BSN: variants seen among roughly 807,000 people sequenced by gnomAD.
BSN encodes bassoon presynaptic cytomatrix protein.
BSN carries 57 observed loss-of-function variants against 264.8 expected under a neutral mutation model. That is an observed-to-expected ratio of 0.22 (90% confidence interval 0.17 to 0.27). The LOEUF (loss-of-function observed/expected upper bound fraction) is 0.27. Among genes scored for constraint, BSN ranks in the 10% least tolerant of loss-of-function variants. The probability of loss-of-function intolerance (pLI) is 1.00; values close to 1 mark genes in which losing one functional copy is unlikely to be tolerated. For missense variants in BSN, 4,615 were observed against 5,232.5 expected, an observed-to-expected ratio of 0.88 and a Z score of 3.64; for synonymous variants, 2,059 against 2,137.3, an observed-to-expected ratio of 0.96 and a Z score of 1.01.
intron 3 of BSN, among the ~76,000 whole-genome samples, chr3:49,643,703 A>G (rs1026770508): frequency 6.6e-6 from 1 of 152,180 alleles, no homozygotes; most frequent in African/African-American, 2.4e-5. Flanking sequence ...GTTGACGTCT[A>G]CTTGTCAAAG....
rs776582642 is a variant in BSN, at chr3:49,660,494, G to A, written c.8649G>A (p.Ala2883=). ...HQGGLGSQVS[A]LPPNSLVRKV... ...CCTTCCCTCTGTCTCAGGTGTCGGC[G>A]TTGCCACCCAACAGCCTGGTCCGCA... Residue 2883 remains alanine, a synonymous_variant, in exon 6 of 12, where the codon GCG becomes GCA. Coordinates refer to ENST00000296452, the MANE Select transcript of BSN (RefSeq NM_003458.4). This position sits in a 1 kb window ranked among gnomAD's most constrained non-coding sequence, Gnocchi z 7.1. 4.6e-6 allele frequency: 7 copies of A among 1,530,784 alleles called. No homozygotes were observed. In the East Asian group the frequency reaches 6.8e-5, roughly 15 times the overall value. The allele number at this position is 1,530,784 out of a possible 1,614,324, so 94.8% of individuals were successfully genotyped here. A position where few individuals can be genotyped will look rare whatever the true frequency, so the allele number is the denominator to read the frequency against.
intron 1 of BSN, among the ~76,000 whole-genome samples, chr3:49,571,565 TGC>T (rs2051795646): frequency 6.6e-6 from 1 of 152,106 alleles, no homozygotes; most frequent in Non-Finnish European, 1.5e-5. Context: ...GCAAAGCCTC[TGC>T]CACAGTGAGA....
Position 49,652,249 on chromosome 3 carries a change from C to T in BSN, c.2693C>T (p.Pro898Leu). The change falls in exon 5 of 12, where the codon CCC (proline) becomes CTC (leucine). Residue 898 changes from proline (P) to leucine (L), a missense_variant. By Grantham distance (98) the Pro-to-Leu change is moderately conservative. Coordinates refer to ENST00000296452, the MANE Select transcript of BSN (RefSeq NM_003458.4). ...EPAALPKRRL[P>L]HNATTGYEEL... ...GCAGCACTGCCCAAGAGGCGCCTGCCCCACAATGCCACCACGGGCTATGAG... is the reference window on the plus strand; with the variant it reads ...GCAGCACTGCCCAAGAGGCGCCTGCTCCACAATGCCACCACGGGCTATGAG... The T allele has an allele frequency of 6.2e-7, 1 of 1,604,760 alleles. No homozygotes were observed. Among genetic ancestry groups the T allele is most frequent in the Non-Finnish European group, 8.5e-7 (1 of 1,174,622 alleles).
intron 1 of BSN, among the ~76,000 whole-genome samples, chr3:49,601,473 C>T (rs1213842722): frequency 1.3e-5 from 2 of 152,162 alleles, no homozygotes; most frequent in African/African-American, 2.4e-5. Flanking sequence ...TGAATAAGAG[C>T]ATGGCTTCTT....
intron 1 of BSN, among the ~76,000 whole-genome samples, chr3:49,564,785 T>C (rs2051740038): frequency 6.6e-6 from 1 of 152,156 alleles, no homozygotes; most frequent in Non-Finnish European, 1.5e-5. Flanking sequence ...ACGGTTGGAT[T>C]GGAGAGGCAA....
At chr3:49,595,565 C>T (rs2052016951) in intron 1 of BSN, among the ~76,000 whole-genome samples, 3 of 151,926 alleles carry the variant, frequency 2.0e-5, no homozygotes, top group Admixed American at 2.0e-4. Flanking sequence ...AATCATAGCT[C>T]ACCGCAGCCT....
chr3:49,586,966 G>A (rs1399961155), intron 1 of BSN, among the ~76,000 whole-genome samples: 2 of 151,882 alleles, frequency 1.3e-5, no homozygotes, highest in African/African-American at 2.4e-5. Context: ...AGTTTGATAG[G>A]GATTGCTTTT....
intron 1 of BSN, among the ~76,000 whole-genome samples, chr3:49,597,664 A>G (rs145540006): frequency 2.6e-4 from 39 of 151,604 alleles, no homozygotes; most frequent in African/African-American, 9.0e-4. Flanking sequence ...CTTCTTTGAG[A>G]CGGAGTCTCA....
At chr3:49,611,806 G>C (rs2052208675) in intron 1 of BSN, among the ~76,000 whole-genome samples, 2 of 152,162 alleles carry the variant, frequency 1.3e-5, no homozygotes, top group Non-Finnish European at 2.9e-5. Flanking sequence ...CCCAGGCCAG[G>C]GTCATCTGGA....
intron 2 of BSN, among the ~76,000 whole-genome samples, chr3:49,630,396 T>G (rs1255353707): frequency 6.6e-6 from 1 of 152,240 alleles, no homozygotes; most frequent in Non-Finnish European, 1.5e-5. Context: ...CAGTTTGCTT[T>G]AGAGTAGCCA....
chr3:49,634,787 A>G (rs1406773760), intron 2 of BSN, among the ~76,000 whole-genome samples: 1 of 152,258 alleles, frequency 6.6e-6, no homozygotes, highest in Non-Finnish European at 1.5e-5. Flanking sequence ...ATACTTTAAG[A>G]TGGTTAAAAT....
chr3:49,597,030 T>C (rs2052029010), intron 1 of BSN, among the ~76,000 whole-genome samples: 1 of 152,234 alleles, frequency 6.6e-6, no homozygotes, highest in South Asian at 2.1e-4. Flanking sequence ...TGATTGACAG[T>C]TGAGCTTCTT....
rs776861615 is a variant in BSN, at chr3:49,655,388, C to G, written c.5832C>G (p.Pro1944=). 1.5e-5 allele frequency: 23 copies of G among 1,578,582 alleles called. No homozygotes were observed. Among genetic ancestry groups the G allele is most frequent in the Admixed American group, 1.7e-5 (1 of 57,196 alleles). ...PGQSSSPFYG[P]RDPEPPEPPT... Reference sequence around the variant, plus strand: ...AAAGCAGCAGCCCCTTCTATGGTCCCCGGGACCCTGAGCCTCCTGAGCCCC... The same window carrying G: ...AAAGCAGCAGCCCCTTCTATGGTCCGCGGGACCCTGAGCCTCCTGAGCCCC... Residue 1944 remains proline, a synonymous_variant, in exon 5 of 12, where the codon CCC becomes CCG. Transcript: ENST00000296452.
rs1575448198 is a variant in BSN, at chr3:49,652,786, A to T, written c.3230A>T (p.Asp1077Val). ...AGCACGGCCCGCAAGACCCGGCGGGACAAGGAAGAACTGCGGGCCCAGCGG... is the reference window on the plus strand; with the variant it reads ...AGCACGGCCCGCAAGACCCGGCGGGTCAAGGAAGAACTGCGGGCCCAGCGG... Reference protein sequence around the residue: ...IRSTARKTRRDKEELRAQRRR... With the variant: ...IRSTARKTRRVKEELRAQRRR... Residue 1077 changes from aspartate (D) to valine (V), a missense_variant, in exon 5 of 12, where the codon GAC becomes GTC. This residue lies in a region of BSN where 3,415 missense variants were observed against 3,866.4 expected (regional missense o/e 0.88). Transcript: ENST00000296452. The T allele has an allele frequency of 6.4e-7, 1 of 1,550,766 alleles. No individual in the cohort carries two copies.
intron 10 of BSN, 45 bp from the exon 11 acceptor site, chr3:49,665,184 C>T (rs2052703713): frequency 1.2e-5 from 3 of 246,652 alleles, no homozygotes; most frequent in African/African-American, 4.5e-5. Flanking sequence ...AGGTAGGCCT[C>T]CAGGGATGCA....
chr3:49,582,192 C>T (rs2051899932), intron 1 of BSN, among the ~76,000 whole-genome samples: 1 of 152,144 alleles, frequency 6.6e-6, no homozygotes. Context: ...TTAGTAATAG[C>T]CTAAAGAGTG....
intron 1 of BSN, among the ~76,000 whole-genome samples, chr3:49,616,085 T>C (rs1384291085): frequency 6.6e-6 from 1 of 152,236 alleles, no homozygotes; most frequent in African/African-American, 2.4e-5. Context: ...AATATTCATA[T>C]GTTGGAGATG....
At chr3:49,601,621 T>C (rs892641625) in intron 1 of BSN, among the ~76,000 whole-genome samples, 3 of 152,166 alleles carry the variant, frequency 2.0e-5, no homozygotes, top group Admixed American at 1.3e-4. Context: ...AGCTGATTTC[T>C]CTGGAGGCCG....
Position 49,655,423 on chromosome 3 carries a change from G to A in BSN, c.5867G>A (p.Arg1956Gln), listed in dbSNP as rs752367573. The A allele has an allele frequency of 3.3e-5, 51 of 1,568,602 alleles. No individual in the cohort carries two copies. Among genetic ancestry groups the A allele is most frequent in the South Asian group, 4.8e-5 (4 of 83,234 alleles). ...DPEPPEPPTY[R>Q]AQGVVGPGPH... ...GAGCCTCCTGAGCCCCCAACCTACC[G>A]GGCACAGGGGGTGGTGGGGCCTGGG... The change falls in exon 5 of 12, where the codon CGG becomes CAG. Residue 1956 changes from arginine to glutamine, a missense_variant. Arg to Gln is a conservative substitution (Grantham distance 43, BLOSUM62 1). Transcript: ENST00000296452.
Sources: gnomAD v4.1 joint callset for allele counts (sites outside exome capture counted in the v4.1 genomes callset) on GRCh38, gnomAD v4.1.1 for gene constraint, gnomAD v4.1.1 regional missense constraint, Gnocchi (gnomAD v3.1) non-coding constraint, MANE v1.5 for transcripts, NCBI Gene and HGNC (gene_info 2026-07-23, HGNC 2026-07-21) for gene names.